TEX14: variants seen among roughly 807,000 people sequenced by gnomAD.
TEX14 encodes inactive serine/threonine-protein kinase TEX14.
In TEX14, 168 loss-of-function variants were observed where a neutral mutation model predicts 178.6. That is an observed-to-expected ratio of 0.94 (90% CI 0.83 to 1.07). TEX14 has a LOEUF of 1.07. Among genes scored for constraint, TEX14 ranks in the 50% least tolerant of loss-of-function variants. TEX14 has a pLI of 0.00. For synonymous variants in TEX14, 626 were observed against 634.1 expected (o/e 0.99, Z 0.19); for missense variants, 1,730 against 1,753.6 (o/e 0.99, Z 0.24).
intron 15 of TEX14, among the ~76,000 whole-genome samples, chr17:58,590,327 C>T (rs1032367841): frequency 1.8e-4 from 27 of 149,996 alleles, no homozygotes; most frequent in African/African-American, 6.6e-4. Context: ...GGCGACAGAG[C>T]GAGACCCTGT....
At chr17:58,578,868 A>G (rs1359759395) in intron 20 of TEX14, among the ~76,000 whole-genome samples, 4 of 152,246 alleles carry the variant, frequency 2.6e-5, no homozygotes, top group African/African-American at 9.6e-5. Context: ...TGGAGTATGC[A>G]GTGGAAGAAG....
chr17:58,613,385 G>A (rs1191035087), intron 9 of TEX14, 36 bp downstream of exon 9: 3 of 1,612,916 alleles, frequency 1.9e-6, no homozygotes, highest in Middle Eastern at 1.7e-4. Context: ...AAACTGGGAG[G>A]TCAGCAATGG....
chr17:58,670,771 T>TCAAAAAAAAA lies in TEX14; in HGVS notation c.-1-18770_-1-18769insTTTTTTTTTG, dbSNP rs1598432610. On this transcript the variant is annotated intron_variant, in intron 1 of 31. Transcript: ENST00000349033. ...CTGGGCGACAGAGTGAGACTCCCTC[T>TCAAAAAAAAA]TAAAAAAAAAAAAAAAAAAAAAAAA... Among the ~76,000 whole-genome samples the TCAAAAAAAAA allele has an allele frequency of 2.5e-4, 2 of 7,954 alleles. 1 individual carries two copies. Among genetic ancestry groups the TCAAAAAAAAA allele is most frequent in the African/African-American group, 9.2e-4 (2 of 2,180 alleles). The allele number at this position is 7,954 out of a possible 152,430, so 5.2% of individuals were successfully genotyped here.
Position 58,677,000 on chromosome 17 carries a change from T to G in TEX14, c.-2+14939A>C, listed in dbSNP as rs941766386. Among the ~76,000 whole-genome samples the G allele has an allele frequency of 2.7e-5, 4 of 148,948 alleles. No homozygotes were observed. The Admixed American group carries it at 2.7e-4, about 10-fold the overall frequency. On this transcript the variant is annotated intron_variant, in intron 1 of 31. Coordinates refer to ENST00000349033, the MANE Select transcript of TEX14 (RefSeq NM_031272.5). ...CAGGTGTTGTGGCGGGTGCCTGTAATCCCAGCTACTCAGGAGGCTGAGGCA... is the reference window on the plus strand; with the variant it reads ...CAGGTGTTGTGGCGGGTGCCTGTAAGCCCAGCTACTCAGGAGGCTGAGGCA...
Position 58,566,474 on chromosome 17 carries a change from A to G in TEX14, c.3887-650T>C, listed in dbSNP as rs532328704. ...AATGTTTCCCCATCTCTATTCACCT[A>G]TATTTCATACTTTTTTCCTGGTTTA... On this transcript the variant is annotated intron_variant, in intron 26 of 31. Transcript: ENST00000349033. 2.6e-5 allele frequency among the ~76,000 whole-genome samples: 4 copies of G among 152,282 alleles called. No homozygotes were observed. In the South Asian group the frequency reaches 6.2e-4, roughly 24 times the overall value.
chr17:58,556,944 GAAGA>G lies in TEX14; in HGVS notation c.*63_*66del, dbSNP rs1416255260. 7.6e-7 allele frequency: 1 copy of G among 1,307,840 alleles called. No homozygotes were observed. The highest frequency in any genetic ancestry group is 1.1e-6 in the Non-Finnish European group (1 of 902,096). The allele number at this position is 1,307,840 out of a possible 1,614,324, so 81.0% of individuals were successfully genotyped here. A position where few individuals can be genotyped will look rare whatever the true frequency, so the allele number is the denominator to read the frequency against. On this transcript the variant is annotated 3_prime_UTR_variant, in exon 32 of 32. Coordinates refer to ENST00000349033, the MANE Select transcript of TEX14 (RefSeq NM_031272.5). ...CCTGACAGCAACTGAAGCAGAAAGA[GAAGA>G]AAGGAGCTTACAACCAGGACACTCA...
intron 2 of TEX14, among the ~76,000 whole-genome samples, chr17:58,647,566 C>T (rs1263675970): frequency 1.3e-5 from 2 of 149,038 alleles, no homozygotes; most frequent in Non-Finnish European, 3.0e-5. Context: ...TGAGATGCCT[C>T]TCAAGGAGGG....
intron 3 of TEX14, among the ~76,000 whole-genome samples, chr17:58,629,456 G>GA (rs969535540): frequency 0.024 from 1,905 of 79,716 alleles, 24 homozygotes; most frequent in African/African-American, 0.037. Flanking sequence ...CATGTGTCAG[G>GA]AAAAAAAAAA....
At chr17:58,669,639 C>G (rs1423658888) in intron 1 of TEX14, among the ~76,000 whole-genome samples, 2 of 146,012 alleles carry the variant, frequency 1.4e-5, no homozygotes, top group Non-Finnish European at 1.5e-5. Context: ...GAGGCTGAGG[C>G]AGGTGAATCA....
intron 2 of TEX14, among the ~76,000 whole-genome samples, chr17:58,640,361 C>T (rs746106468): frequency 6.6e-6 from 1 of 151,632 alleles, no homozygotes. Context: ...ATGTTCCCAG[C>T]GTCACATGAG....
At position 58,583,658 on chromosome 17, in the gene TEX14, C is replaced by T. The variant is rs138474684; in HGVS notation, c.3171+842G>A. On this transcript the variant is annotated intron_variant, in intron 19 of 31. Transcript: ENST00000349033. ...CTTCCTGTGCACTTAACAGCTGCTC[C>T]TCTTTACCTCTCATCAAACTGAATT... is the stretch of plus-strand genomic sequence containing the variant. 6.4e-3 allele frequency among the ~76,000 whole-genome samples: 975 copies of T among 152,304 alleles called. 6 individuals are homozygous for T. Among genetic ancestry groups the T allele is most frequent in the African/African-American group, 0.022 (913 of 41,558 alleles).
rs149786842 is a variant in TEX14, at chr17:58,631,832, G to A, written c.137-1278C>T. 122 of 152,090 alleles carry A rather than the reference G, an allele frequency of 8.0e-4. No individual in the cohort carries two copies. The Middle Eastern group carries it at 0.01, about 13-fold the overall frequency. 9.4% of individuals were successfully genotyped at this position (152,090 alleles called of 1,614,324 possible). A position where few individuals can be genotyped will look rare whatever the true frequency, so the allele number is the denominator to read the frequency against. ...TATAGAAATTATCCCTCAAAATATA[G>A]TCTTAATGTCCATTTATGTGCCTTC... On this transcript the variant is annotated intron_variant, in intron 2 of 31. Transcript: ENST00000349033.
chr17:58,575,298 T>G (rs2044650926), intron 21 of TEX14, among the ~76,000 whole-genome samples: 1 of 152,094 alleles, frequency 6.6e-6, no homozygotes, highest in Non-Finnish European at 1.5e-5. Context: ...GTATTTTTAG[T>G]AGAGACGGGG....
intron 1 of TEX14, chr17:58,661,414 G>C (rs747864699): frequency 1.2e-6 from 1 of 837,798 alleles, no homozygotes; most frequent in Non-Finnish European, 2.1e-6. Context: ...GGCTGAACAA[G>C]TCAAGCTGCG....
At chr17:58,671,292 C>T (rs1462192027) in intron 1 of TEX14, among the ~76,000 whole-genome samples, 1 of 152,102 alleles carries the variant, frequency 6.6e-6, no homozygotes, top group Admixed American at 6.6e-5. Context: ...ATCACCAAGC[C>T]AGGCTAAAGT....
intron 1 of TEX14, among the ~76,000 whole-genome samples, chr17:58,654,943 G>A (rs2611774): frequency 0.25 from 37,566 of 151,344 alleles, 5,610 homozygotes; most frequent in Middle Eastern, 0.44. Flanking sequence ...GAGTCACCGC[G>A]CCTGGCCAAA....
intron 1 of TEX14, chr17:58,660,891 G>A (rs1291502501): frequency 8.6e-6 from 7 of 816,810 alleles, no homozygotes; most frequent in Middle Eastern, 2.2e-4. Flanking sequence ...GGCCTCTTCT[G>A]GTGACATGAG....
At chr17:58,674,872 C>T (rs1353376332) in intron 1 of TEX14, among the ~76,000 whole-genome samples, 1 of 148,466 alleles carries the variant, frequency 6.7e-6, no homozygotes, top group Non-Finnish European at 1.5e-5. Flanking sequence ...AGGCCGGGCA[C>T]GGTGGCTCAC....
In TEX14 at chr17:58,593,536, C is replaced by T; in HGVS notation, c.2576+19G>A. 1.9e-6 allele frequency: 3 copies of T among 1,592,490 alleles called. No individual in the cohort carries two copies. Among genetic ancestry groups the T allele is most frequent in the Non-Finnish European group, 1.7e-6 (2 of 1,160,350 alleles). On this transcript the variant is annotated intron_variant, in intron 15 of 31. Coordinates refer to ENST00000349033, the MANE Select transcript of TEX14 (RefSeq NM_031272.5). ...TCTAAAGGCATAGTGACATTAAGAA[C>T]AACAAAATGTTGACCCACCTACTGG...
Sources: gnomAD v4.1 joint callset for allele counts (sites outside exome capture counted in the v4.1 genomes callset) on GRCh38, gnomAD v4.1.1 for gene constraint, MANE v1.5 for transcripts, NCBI Gene and HGNC (gene_info 2026-07-23, HGNC 2026-07-21) for gene names.